SDHC: variants seen among roughly 807,000 people sequenced by gnomAD.
The protein encoded by SDHC is succinate dehydrogenase cytochrome b560 subunit, mitochondrial.
SDHC carries 11 observed loss-of-function variants against 22.6 expected under a neutral mutation model. That is an observed-to-expected ratio of 0.49 (90% confidence interval 0.31 to 0.81). The LOEUF is 0.81. Ranked by LOEUF, SDHC falls within the 30% of genes least tolerant of loss-of-function variation. The pLI is 0.05. For missense variants in SDHC, 160 were observed against 212.0 expected (o/e 0.75, Z 1.52); for synonymous variants, 80 against 77.8 (o/e 1.03, Z -0.15).
At chr1:161,336,617 C>T (rs1396797253) in intron 3 of SDHC, among the ~76,000 whole-genome samples, 1 of 152,000 alleles carries the variant, frequency 6.6e-6, no homozygotes, top group Admixed American at 6.6e-5. Flanking sequence ...ATTTGCTTTT[C>T]TGGTTATGTA....
chr1:161,333,107 C>T (rs1558170030), intron 3 of SDHC, among the ~76,000 whole-genome samples: 1 of 152,232 alleles, frequency 6.6e-6, no homozygotes, highest in African/African-American at 2.4e-5. Flanking sequence ...TCCTTTGTGA[C>T]TGGCTTCTTT....
At chr1:161,354,897 A>T (rs1460729172) in intron 4 of SDHC, among the ~76,000 whole-genome samples, 1 of 151,842 alleles carries the variant, frequency 6.6e-6, no homozygotes, top group African/African-American at 2.4e-5. Flanking sequence ...TTTAGTAGAG[A>T]TGGGGTTTCA....
intron 2 of SDHC, among the ~76,000 whole-genome samples, chr1:161,325,478 G>C (rs1671017351): frequency 6.6e-6 from 1 of 150,712 alleles, no homozygotes; most frequent in Non-Finnish European, 1.5e-5. Context: ...CCAGGAGTTT[G>C]AGACCAGCCT....
At chr1:161,326,781 A>C (rs1054754260) in intron 2 of SDHC, 3 of 151,798 alleles carry the variant, frequency 2.0e-5, no homozygotes, top group African/African-American at 7.3e-5. Flanking sequence ...GTGCACCACC[A>C]CGCCTAGCTA....
rs562184679 is a variant in SDHC, at chr1:161,356,993, C to T, written c.405+153C>T. Among the ~76,000 whole-genome samples the T allele has an allele frequency of 2.2e-4, 33 of 151,320 alleles. 1 individual carries two copies. The South Asian group carries it at 6.7e-3, about 31-fold the overall frequency. ...TTGCCCAGGCTGGAGTGCAGTGGTG[C>T]GATCTCAGCTCACTGCAACTTCTGC... On this transcript the variant is annotated intron_variant, in intron 5 of 5. Coordinates refer to ENST00000367975, the MANE Select transcript of SDHC (RefSeq NM_003001.5).
At chr1:161,317,104 C>T (rs1376094398) in intron 1 of SDHC, among the ~76,000 whole-genome samples, 1 of 151,168 alleles carries the variant, frequency 6.6e-6, no homozygotes, top group African/African-American at 2.4e-5. Flanking sequence ...CTGCAACCGC[C>T]CCTGCCCGGG....
In SDHC at chr1:161,314,402, C is replaced by G. The variant is rs1160334076; in HGVS notation, c.-4C>G. On this transcript the variant is annotated 5_prime_UTR_variant, in exon 1 of 6. Coordinates refer to ENST00000367975, the MANE Select transcript of SDHC (RefSeq NM_003001.5). ...CGTCACTTCCGTCCAGACCGGAACC[C>G]AAGATGGCTGCGCTGTTGCTGAGGT... The G allele has an allele frequency of 2.5e-6, 4 of 1,614,032 alleles. No homozygotes were observed. The highest frequency in any genetic ancestry group is 3.3e-5 in the Admixed American group (2 of 60,026).
chr1:161,331,470 C>G (rs962364423), intron 3 of SDHC, among the ~76,000 whole-genome samples: 8 of 152,030 alleles, frequency 5.3e-5, no homozygotes, highest in Admixed American at 3.3e-4. Context: ...GTATCACCAT[C>G]TCTATAAAAC....
At chr1:161,340,765 A>G (rs1671693896) in intron 4 of SDHC, 110 bp downstream of exon 4, 1 of 816,858 alleles carries the variant, frequency 1.2e-6, no homozygotes, top group South Asian at 1.3e-5. Context: ...TTTAGAGGGA[A>G]CAGTAAGTCT....
chr1:161,340,723 A>G, intron 4 of SDHC, 68 bp downstream of exon 4: 2 of 1,189,866 alleles, frequency 1.7e-6, no homozygotes. Context: ...CATTGGCCCT[A>G]GTCTCCGCCT....
At position 161,340,624 on chromosome 1, in the gene SDHC, C is replaced by T. The variant is rs2102336228; in HGVS notation, c.210C>T (p.Cys70=). The T allele has an allele frequency of 6.2e-7, 1 of 1,613,982 alleles. No individual in the cohort carries two copies. The highest frequency in any genetic ancestry group is 8.5e-7 in the Non-Finnish European group (1 of 1,179,850). The change falls in exon 4 of 6, where the codon TGC becomes TGT. Residue 70 remains cysteine, a synonymous_variant. Coordinates refer to ENST00000367975, the MANE Select transcript of SDHC (RefSeq NM_003001.5). Reference sequence around the variant, plus strand: ...CTCTTCCCATGGCGATGTCCATCTGCCACCGTGGCACTGGTATTGCTTTGA... The same window carrying T: ...CTCTTCCCATGGCGATGTCCATCTGTCACCGTGGCACTGGTATTGCTTTGA... ...SWSLPMAMSI[C]HRGTGIALSA...
intron 5 of SDHC, among the ~76,000 whole-genome samples, chr1:161,361,048 C>T (rs115935425): frequency 0.02 from 3,014 of 151,982 alleles, 81 homozygotes; most frequent in African/African-American, 0.065. Flanking sequence ...GGGAGGCTGA[C>T]GTTGCTGTGA....
At chr1:161,317,179 G>A (rs892838081) in intron 1 of SDHC, among the ~76,000 whole-genome samples, 5 of 151,770 alleles carry the variant, frequency 3.3e-5, no homozygotes, top group Admixed American at 1.3e-4. Context: ...CTGCCACCAC[G>A]CCACCACGCC....
intron 1 of SDHC, among the ~76,000 whole-genome samples, chr1:161,315,882 T>G (rs1207993241): frequency 6.6e-6 from 1 of 152,164 alleles, no homozygotes; most frequent in Non-Finnish European, 1.5e-5. Context: ...TAGTATTTAT[T>G]GATCATTATT....
chr1:161,346,759 C>T (rs1671913838), intron 4 of SDHC, among the ~76,000 whole-genome samples: 2 of 151,956 alleles, frequency 1.3e-5, no homozygotes, highest in Non-Finnish European at 2.9e-5. Flanking sequence ...TACAGTTGTC[C>T]CTTATTATCT....
At chr1:161,362,191 T>A in intron 5 of SDHC, 138 bp from the exon 6 acceptor site, 2 of 1,028,920 alleles carry the variant, frequency 1.9e-6, no homozygotes, top group Middle Eastern at 3.0e-4. Context: ...AGGTGGGGCA[T>A]AAGGGTAGAA....
rs189900332 is a variant in SDHC, at chr1:161,346,353, G to T, written c.241+5698G>T. On this transcript the variant is annotated intron_variant, in intron 4 of 5. Coordinates refer to ENST00000367975, the MANE Select transcript of SDHC (RefSeq NM_003001.5). ...ATAATATATAGTCTCTACTCTCAAG[G>T]ATAGAGGAATCTAAGGAGTAAGACA... Among the ~76,000 whole-genome samples, 33 of 151,848 alleles carry T rather than the reference G, an allele frequency of 2.2e-4. No homozygotes were observed. In the East Asian group the frequency reaches 5.2e-3, roughly 24 times the overall value.
At chr1:161,323,121 C>T (rs1670900096) in intron 1 of SDHC, among the ~76,000 whole-genome samples, 1 of 152,116 alleles carries the variant, frequency 6.6e-6, no homozygotes, top group African/African-American at 2.4e-5. Context: ...GCCTCAGCCT[C>T]CTGAGTAGCT....
chr1:161,354,228 A>G (rs1263124880), intron 4 of SDHC, among the ~76,000 whole-genome samples: 1 of 152,176 alleles, frequency 6.6e-6, no homozygotes, highest in African/African-American at 2.4e-5. Context: ...ATCAGATTGG[A>G]TACTGCCACC....
Sources: gnomAD v4.1 joint callset for allele counts (sites outside exome capture counted in the v4.1 genomes callset) on GRCh38, gnomAD v4.1.1 for gene constraint, MANE v1.5 for transcripts, NCBI Gene and HGNC (gene_info 2026-07-23, HGNC 2026-07-21) for gene names.